The following SPOCK1 variants were observed in gnomAD, a reference collection of about 807,000 sequenced individuals.
The protein encoded by SPOCK1 is testican-1.
In SPOCK1, 23 loss-of-function variants were observed where a neutral mutation model predicts 55.3. The observed-to-expected ratio is 0.42, with a 90% CI of 0.30 to 0.59. The LOEUF is 0.59. SPOCK1 is among the 20% of genes least tolerant of loss of function. SPOCK1 has a pLI of 0.22. For missense variants in SPOCK1, 499 were observed against 552.5 expected (o/e 0.90, Z 0.97); for synonymous variants, 226 against 221.0 (o/e 1.02, Z -0.20).
At chr5:137,156,209 T>G (rs1256018333) in intron 3 of SPOCK1, among the ~76,000 whole-genome samples, 1 of 152,080 alleles carries the variant, frequency 6.6e-6, no homozygotes, top group Non-Finnish European at 1.5e-5. Context: ...TATAATACTT[T>G]TGCACCAAGT....
chr5:137,217,623 C>T (rs545759545), intron 3 of SPOCK1, among the ~76,000 whole-genome samples: 1 of 152,232 alleles, frequency 6.6e-6, no homozygotes, highest in Non-Finnish European at 1.5e-5. Flanking sequence ...AAATAAAAAA[C>T]TGCTTGGCAA....
chr5:137,329,965 A>C (rs1049067762), intron 2 of SPOCK1, among the ~76,000 whole-genome samples: 38 of 152,272 alleles, frequency 2.5e-4, no homozygotes, highest in Middle Eastern at 3.4e-3. Context: ...AACTAGGCTC[A>C]GTGGGAATTA....
intron 3 of SPOCK1, among the ~76,000 whole-genome samples, chr5:137,253,640 C>T (rs780583585): frequency 6.6e-6 from 1 of 152,194 alleles, no homozygotes; most frequent in Non-Finnish European, 1.5e-5. Context: ...TACATGTACA[C>T]ATCCCAGGAG....
At chr5:137,116,935 A>G (rs558840305) in intron 4 of SPOCK1, among the ~76,000 whole-genome samples, 20 of 152,222 alleles carry the variant, frequency 1.3e-4, no homozygotes, top group African/African-American at 4.8e-4. Flanking sequence ...TCAGTTCCCC[A>G]GGAAGCCTCC....
In SPOCK1 at chr5:137,444,131, C is replaced by T. The variant is rs540864015; in HGVS notation, c.186+54242G>A. Among the ~76,000 whole-genome samples, 8 of 152,242 alleles carry T rather than the reference C, an allele frequency of 5.3e-5. No homozygotes were observed. In the South Asian group the frequency reaches 1.7e-3, roughly 32 times the overall value. Reference sequence around the variant, plus strand: ...TCCACCTGTGAGGGCAACCACACCTCCCTTTCTCTCTCAAATGCAATCTGC... The same window carrying T: ...TCCACCTGTGAGGGCAACCACACCTTCCTTTCTCTCTCAAATGCAATCTGC... On this transcript the variant is annotated intron_variant, in intron 2 of 10. Transcript: ENST00000394945.
rs144679466 is a variant in SPOCK1 at position 137,214,967 on chromosome 5, G to T, written c.232+52043C>A. ...GTTAATATTTACTCCTTAATTGGGTGCAGACCAAAGGCATACCATGTCCTA... is the reference window on the plus strand; with the variant it reads ...GTTAATATTTACTCCTTAATTGGGTTCAGACCAAAGGCATACCATGTCCTA... On this transcript the variant is annotated intron_variant, in intron 3 of 10. Transcript: ENST00000394945. Among the ~76,000 whole-genome samples, 621 of 152,252 alleles carry T rather than the reference G, an allele frequency of 4.1e-3. 4 individuals are homozygous for T. The highest frequency in any genetic ancestry group is 0.014 in the African/African-American group (567 of 41,542).
intron 2 of SPOCK1, among the ~76,000 whole-genome samples, chr5:137,372,061 T>A (rs1035832050): frequency 1.3e-5 from 2 of 152,246 alleles, no homozygotes; most frequent in Non-Finnish European, 2.9e-5. Flanking sequence ...ATCAATATTT[T>A]AAAATATTAA....
At chr5:137,188,177 G>A (rs1357251806) in intron 3 of SPOCK1, among the ~76,000 whole-genome samples, 3 of 152,196 alleles carry the variant, frequency 2.0e-5, no homozygotes, top group Admixed American at 6.5e-5. Flanking sequence ...TCCCACGTAT[G>A]TGGCCCCATT....
intron 3 of SPOCK1, among the ~76,000 whole-genome samples, chr5:137,184,733 G>A (rs1254707400): frequency 6.6e-6 from 1 of 152,176 alleles, no homozygotes; most frequent in African/African-American, 2.4e-5. Flanking sequence ...TCAGAAACAG[G>A]TGCATGCATC....
At chr5:137,466,683 G>A (rs1753629956) in intron 2 of SPOCK1, among the ~76,000 whole-genome samples, 1 of 152,234 alleles carries the variant, frequency 6.6e-6, no homozygotes, top group African/African-American at 2.4e-5. Context: ...ACATAAGAGT[G>A]TGCATCTTAA....
At chr5:137,153,865 CA>C (rs59668593) in intron 3 of SPOCK1, among the ~76,000 whole-genome samples, 3 of 145,686 alleles carry the variant, frequency 2.1e-5, no homozygotes, top group African/African-American at 7.7e-5. Context: ...CTCAAAAAAA[CA>C]AAAAAACAAA....
intron 2 of SPOCK1, among the ~76,000 whole-genome samples, chr5:137,420,120 C>T (rs1215543084): frequency 1.3e-5 from 2 of 152,120 alleles, no homozygotes; most frequent in Non-Finnish European, 2.9e-5. Context: ...ATATGTTGAA[C>T]CAGCCTTGCA....
chr5:137,219,546 C>CT (rs35789028), intron 3 of SPOCK1, among the ~76,000 whole-genome samples: 1 of 152,174 alleles, frequency 6.6e-6, no homozygotes, highest in Non-Finnish European at 1.5e-5. Flanking sequence ...AGAATCATGC[C>CT]TTTTTTTCTC....
chr5:137,375,315 C>T (rs1482665030), intron 2 of SPOCK1, among the ~76,000 whole-genome samples: 1 of 152,134 alleles, frequency 6.6e-6, no homozygotes, highest in Non-Finnish European at 1.5e-5. Context: ...TGAAAGAAGG[C>T]AGATACAGAA....
chr5:137,454,422 C>G (rs559598660), intron 2 of SPOCK1, among the ~76,000 whole-genome samples: 1 of 152,274 alleles, frequency 6.6e-6, no homozygotes, highest in South Asian at 2.1e-4. Flanking sequence ...CATGAAAGAG[C>G]ATTTAAAATC....
At chr5:137,208,769 C>G (rs1755562109) in intron 3 of SPOCK1, among the ~76,000 whole-genome samples, 2 of 151,856 alleles carry the variant, frequency 1.3e-5, no homozygotes, top group Admixed American at 1.3e-4. Flanking sequence ...ATACTCAGTA[C>G]CTGGGTGATG....
At chr5:136,979,093 G>A (rs1349032350) in intron 10 of SPOCK1, among the ~76,000 whole-genome samples, 1 of 152,152 alleles carries the variant, frequency 6.6e-6, no homozygotes, top group Non-Finnish European at 1.5e-5. Flanking sequence ...AGTGAAGGCA[G>A]CCTAAGTCAC....
chr5:137,292,039 C>A lies in SPOCK1; in HGVS notation c.187-24984G>T, dbSNP rs1355764331. 2.6e-5 allele frequency among the ~76,000 whole-genome samples: 4 copies of A among 152,146 alleles called. No individual in the cohort carries two copies. In the South Asian group the frequency reaches 6.2e-4, roughly 24 times the overall value. Reference sequence around the variant, plus strand: ...CATCTCTGAGAATAAATCCAATGTGCCAAAGGAGCTGCAGCCAAGAGAGAG... The same window carrying A: ...CATCTCTGAGAATAAATCCAATGTGACAAAGGAGCTGCAGCCAAGAGAGAG... On this transcript the variant is annotated intron_variant, in intron 2 of 10. Transcript: ENST00000394945.
intron 2 of SPOCK1, among the ~76,000 whole-genome samples, chr5:137,444,869 A>T (rs1753090142): frequency 6.6e-6 from 1 of 151,912 alleles, no homozygotes; most frequent in Non-Finnish European, 1.5e-5. Flanking sequence ...CAGGTTGTCC[A>T]CCTCCCAGCT....
Sources: gnomAD v4.1 joint callset for allele counts (sites outside exome capture counted in the v4.1 genomes callset) on GRCh38, gnomAD v4.1.1 for gene constraint, MANE v1.5 for transcripts, NCBI Gene and HGNC (gene_info 2026-07-23, HGNC 2026-07-21) for gene names.